RBM27: variants seen among roughly 807,000 people sequenced by gnomAD.
RBM27 encodes RNA binding motif protein 27, also known as RNA-binding protein 27.
In RBM27, 22 loss-of-function variants were observed where a neutral mutation model predicts 135.3. The ratio of observed to expected loss-of-function variants is 0.16; its 90% CI spans 0.12 to 0.23. The LOEUF is 0.23. Among genes scored for constraint, RBM27 ranks in the 10% least tolerant of loss-of-function variants. RBM27 has a pLI of 1.00. For synonymous variants in RBM27, 481 were observed against 442.4 expected (o/e 1.09, Z -1.10); for missense variants, 1,009 against 1,281.0 (o/e 0.79, Z 3.24).
In RBM27 at chr5:146,203,798, C is replaced by A. The variant is rs1405342222; in HGVS notation, c.33C>A (p.Ser11=). The A allele has an allele frequency of 6.5e-7, 1 of 1,530,012 alleles. No individual in the cohort carries two copies. Among genetic ancestry groups the A allele is most frequent in the South Asian group, 1.2e-5 (1 of 83,640 alleles). The allele number at this position is 1,530,012 out of a possible 1,614,324, so 94.8% of individuals were successfully genotyped here. A position where few individuals can be genotyped will look rare whatever the true frequency, so the allele number is the denominator to read the frequency against. MLIEDVDALK[S]WLAKLLEPIC... is the part of the protein sequence containing the mutation. The stretch of plus-strand genomic sequence containing the variant: ...TAGAGGATGTGGATGCCCTCAAGTC[C>A]TGGCTGGCCAAGTTACTGGAGCCGA... Residue 11 remains serine (S), a synonymous_variant, in exon 1 of 21, where the codon TCC becomes TCA. Transcript: ENST00000265271.
At chr5:146,238,213 A>T (rs1051401094) in intron 8 of RBM27, among the ~76,000 whole-genome samples, 3 of 152,270 alleles carry the variant, frequency 2.0e-5, no homozygotes, top group African/African-American at 7.2e-5. Flanking sequence ...GATTGTAATA[A>T]TACATTTTTC....
intron 17 of RBM27, 99 bp downstream of exon 17, chr5:146,269,683 C>CCTGTTAGGATAT: frequency 1.4e-6 from 1 of 707,700 alleles, no homozygotes; most frequent in Non-Finnish European, 2.0e-6. Context: ...AGCTAATATC[C>CCTGTTAGGATAT]TAACAGGGAT....
At chr5:146,210,916 C>T (rs979080930) in intron 1 of RBM27, among the ~76,000 whole-genome samples, 9 of 150,774 alleles carry the variant, frequency 6.0e-5, no homozygotes, top group African/African-American at 9.8e-5. Context: ...CACCGCACTC[C>T]AGCCTGGGCG....
At chr5:146,256,054 C>T (rs951372162) in intron 10 of RBM27, among the ~76,000 whole-genome samples, 1 of 151,252 alleles carries the variant, frequency 6.6e-6, no homozygotes, top group African/African-American at 2.4e-5. Flanking sequence ...CGGGGTTTCA[C>T]CATGTTGGCC....
Position 146,247,602 on chromosome 5 carries a change from G to A in RBM27, c.1280-4109G>A, listed in dbSNP as rs146112833. ...TCCTAAAGAATTTTCTCACATTCTA[G>A]ACTTGGCAGATTGATCTTCTGGTGT... is the stretch of plus-strand genomic sequence containing the variant. On this transcript the variant is annotated intron_variant, in intron 8 of 20. Transcript: ENST00000265271. Among the ~76,000 whole-genome samples, 704 of 152,130 alleles carry A rather than the reference G, an allele frequency of 4.6e-3. 2 individuals carry two copies. Among genetic ancestry groups the A allele is most frequent in the Non-Finnish European group, 7.2e-3 (492 of 68,008 alleles).
chr5:146,229,671 T>C lies in RBM27; in HGVS notation c.396-46T>C, dbSNP rs750911807. 2.0e-6 allele frequency: 3 copies of C among 1,474,702 alleles called. No homozygotes were observed. In the South Asian group the frequency reaches 3.6e-5, roughly 18 times the overall value. The allele number at this position is 1,474,702 out of a possible 1,614,324, so 91.4% of individuals were successfully genotyped here. A position where few individuals can be genotyped will look rare whatever the true frequency, so the allele number is the denominator to read the frequency against. On this transcript the variant is annotated intron_variant, in intron 4 of 20. Transcript: ENST00000265271. Reference sequence around the variant, plus strand: ...TTATACTATAGATTTGTTTGCAGACTTGGTTTCTATAGCCTGCATATGGCT... The same window carrying C: ...TTATACTATAGATTTGTTTGCAGACCTGGTTTCTATAGCCTGCATATGGCT...
At chr5:146,221,063 A>C (rs1161152848) in intron 2 of RBM27, among the ~76,000 whole-genome samples, 1 of 151,786 alleles carries the variant, frequency 6.6e-6, no homozygotes, top group East Asian at 1.9e-4. Flanking sequence ...CTAAAAAAAC[A>C]CAAAAAAATT....
intron 1 of RBM27, among the ~76,000 whole-genome samples, chr5:146,205,984 C>A: frequency 6.6e-6 from 1 of 152,116 alleles, no homozygotes. Flanking sequence ...CAGGCCACTG[C>A]TCTCCAGCCT....
At chr5:146,212,008 C>A (rs1755980131) in intron 1 of RBM27, among the ~76,000 whole-genome samples, 1 of 152,032 alleles carries the variant, frequency 6.6e-6, no homozygotes, top group African/African-American at 2.4e-5. Context: ...GCATTTTTCA[C>A]ATTTATATAT....
At chr5:146,220,506 A>G (rs1581149211) in intron 2 of RBM27, among the ~76,000 whole-genome samples, 1 of 148,940 alleles carries the variant, frequency 6.7e-6, no homozygotes, top group African/African-American at 2.4e-5. Flanking sequence ...ATATATATAT[A>G]TATGTATGTA....
intron 2 of RBM27, among the ~76,000 whole-genome samples, chr5:146,220,346 G>A (rs1756393188): frequency 6.6e-6 from 1 of 151,852 alleles, no homozygotes; most frequent in Non-Finnish European, 1.5e-5. Context: ...GTGGTGGCGT[G>A]TGCCTGTAGT....
chr5:146,261,821 TG>T lies in RBM27; in HGVS notation c.2190+18del. On this transcript the variant is annotated intron_variant, in intron 13 of 20. Transcript: ENST00000265271. ...GTATCCAGAAGGTAATCTGGTTCAC[TG>T]GGAATTAAAGGTCTTTTAGTTACAC... The T allele has an allele frequency of 6.2e-7, 1 of 1,613,754 alleles. No individual in the cohort carries two copies. Among genetic ancestry groups the T allele is most frequent in the South Asian group, 1.1e-5 (1 of 91,076 alleles).
intron 19 of RBM27, among the ~76,000 whole-genome samples, chr5:146,273,710 T>TA (rs1298409796): frequency 6.6e-6 from 1 of 152,284 alleles, no homozygotes. Flanking sequence ...GAGGCCAAGG[T>TA]AAAATCTATA....
At chr5:146,216,188 C>T (rs906364979) in intron 1 of RBM27, among the ~76,000 whole-genome samples, 12 of 152,158 alleles carry the variant, frequency 7.9e-5, no homozygotes, top group Non-Finnish European at 1.6e-4. Context: ...TCCTGGGTAG[C>T]TGGGACCACA....
chr5:146,282,376 T>C (rs1344711183), intron 19 of RBM27, among the ~76,000 whole-genome samples: 1 of 152,222 alleles, frequency 6.6e-6, no homozygotes, highest in African/African-American at 2.4e-5. Flanking sequence ...TGCTATCTTA[T>C]ACATGTTTTT....
chr5:146,286,925 C>T lies in RBM27; in HGVS notation c.*895C>T, dbSNP rs1047125138. The stretch of plus-strand genomic sequence containing the variant: ...TCATTTGGGCAACCGCAGGCAGTCT[C>T]CAATAAAAGGTTCAAACCAGCACCT... On this transcript the variant is annotated 3_prime_UTR_variant, in exon 21 of 21. Transcript: ENST00000265271. The T allele has an allele frequency of 2.0e-5, 3 of 152,334 alleles. No individual in the cohort carries two copies. The highest frequency in any genetic ancestry group is 7.3e-5 in the African/African-American group (3 of 41,326). The allele number at this position is 152,334 out of a possible 1,614,324, so 9.4% of individuals were successfully genotyped here.
chr5:146,259,314 G>C (rs1016887867), intron 11 of RBM27, among the ~76,000 whole-genome samples: 1 of 151,550 alleles, frequency 6.6e-6, no homozygotes, highest in South Asian at 2.1e-4. Context: ...TCAGGAGTTC[G>C]AGACCAGCCT....
At chr5:146,217,530 A>G (rs1205088243) in intron 1 of RBM27, among the ~76,000 whole-genome samples, 1 of 121,472 alleles carries the variant, frequency 8.2e-6, no homozygotes, top group Admixed American at 1.2e-4. Flanking sequence ...GCTGGACTGC[A>G]GTGGCATGAT....
At chr5:146,235,977 A>G (rs1313427860) in intron 7 of RBM27, among the ~76,000 whole-genome samples, 2 of 152,186 alleles carry the variant, frequency 1.3e-5, no homozygotes, top group Non-Finnish European at 2.9e-5. Context: ...GGCGTGAGCC[A>G]CCGTGCCCAG....
Sources: gnomAD v4.1 joint callset for allele counts (sites outside exome capture counted in the v4.1 genomes callset) on GRCh38, gnomAD v4.1.1 for gene constraint, MANE v1.5 for transcripts, NCBI Gene and HGNC (gene_info 2026-07-23, HGNC 2026-07-21) for gene names.